THSD7B: variants seen among roughly 807,000 people sequenced by gnomAD.
The protein encoded by THSD7B is thrombospondin type-1 domain-containing protein 7B.
Under a neutral mutation model 213.6 loss-of-function variants are expected in THSD7B, and 138 were observed. That is an observed-to-expected ratio of 0.65 (90% CI 0.56 to 0.74). THSD7B has a LOEUF of 0.74. Among genes scored for constraint, THSD7B ranks in the 30% least tolerant of loss-of-function variants. The probability of loss-of-function intolerance (pLI) is 0.00; values close to 1 mark genes in which losing one functional copy is unlikely to be tolerated. For missense variants in THSD7B, 1,931 were observed against 1,991.5 expected, an observed-to-expected ratio of 0.97 and a Z score of 0.58; for synonymous variants, 742 against 687.0, an observed-to-expected ratio of 1.08 and a Z score of -1.25.
chr2:136,792,767 A>G (rs1681991696), intron 1 of THSD7B, among the ~76,000 whole-genome samples: 1 of 152,020 alleles, frequency 6.6e-6, no homozygotes, highest in African/African-American at 2.4e-5. Context: ...ATAACCATTG[A>G]TCTTTTTCCT....
chr2:137,255,515 A>T (rs912449131), intron 10 of THSD7B, among the ~76,000 whole-genome samples: 1 of 152,174 alleles, frequency 6.6e-6, no homozygotes, highest in Non-Finnish European at 1.5e-5. Context: ...CATCATTAAG[A>T]GGACTCCACC....
At chr2:137,123,323 G>A (rs7599664) in intron 5 of THSD7B, among the ~76,000 whole-genome samples, 2,996 of 152,190 alleles carry the variant, frequency 0.02, 106 homozygotes, top group African/African-American at 0.067. Flanking sequence ...TGACCAATGA[G>A]AAACAAGATT....
intron 2 of THSD7B, among the ~76,000 whole-genome samples, chr2:136,928,271 T>G (rs764904732): frequency 3.3e-5 from 5 of 152,342 alleles, no homozygotes; most frequent in Admixed American, 6.5e-5. Flanking sequence ...TATAATTCAC[T>G]GAACGCTGTA....
intron 7 of THSD7B, among the ~76,000 whole-genome samples, chr2:137,179,644 T>C (rs922718606): frequency 3.3e-5 from 5 of 152,256 alleles, no homozygotes; most frequent in South Asian, 2.1e-4. Context: ...CTTAATCTTA[T>C]AATCAAATAT....
chr2:137,676,996 T>C lies in THSD7B; in HGVS notation c.*391T>C. 6.0e-6 allele frequency: 1 copy of C among 167,402 alleles called. No individual in the cohort carries two copies. The allele number at this position is 167,402 out of a possible 1,614,324, so 10.4% of individuals were successfully genotyped here. On this transcript the variant is annotated 3_prime_UTR_variant, in exon 28 of 28. Coordinates refer to ENST00000409968, the MANE Select transcript of THSD7B (RefSeq NM_001316349.2). ...TTACTCTAAATGACGAGTCTGACAC[T>C]GCATTGTTACGCACTATATTAGTGC...
chr2:137,466,253 A>G (rs569502100), intron 15 of THSD7B, among the ~76,000 whole-genome samples: 2 of 152,236 alleles, frequency 1.3e-5, no homozygotes, highest in African/African-American at 2.4e-5. Flanking sequence ...TACTTGTGCT[A>G]TTATTCATTC....
chr2:137,339,156 T>A (rs1359022159), intron 12 of THSD7B, among the ~76,000 whole-genome samples: 1 of 152,072 alleles, frequency 6.6e-6, no homozygotes, highest in African/African-American at 2.4e-5. Flanking sequence ...CCTGATAATG[T>A]TCTTCTGAGA....
intron 9 of THSD7B, among the ~76,000 whole-genome samples, chr2:137,238,779 T>G (rs893039512): frequency 1.3e-5 from 2 of 150,946 alleles, no homozygotes; most frequent in Non-Finnish European, 1.5e-5. Context: ...GGTCTCGATC[T>G]CCTGACCTCA....
chr2:136,990,282 T>C (rs1320761239), intron 2 of THSD7B, among the ~76,000 whole-genome samples: 5 of 152,222 alleles, frequency 3.3e-5, no homozygotes, highest in Non-Finnish European at 7.3e-5. Flanking sequence ...TTGTCTTCAG[T>C]AATGTGAGGG....
intron 10 of THSD7B, among the ~76,000 whole-genome samples, chr2:137,262,713 G>C (rs75233958): frequency 2.0e-3 from 300 of 152,172 alleles, no homozygotes; most frequent in African/African-American, 6.9e-3. Context: ...TCTTTTTCCT[G>C]TTTTACTTAT....
intron 2 of THSD7B, among the ~76,000 whole-genome samples, chr2:136,956,241 A>G (rs1685121918): frequency 1.3e-5 from 2 of 152,112 alleles, no homozygotes; most frequent in African/African-American, 4.8e-5. Context: ...AAAATGACTG[A>G]TTTTTAACTA....
intron 26 of THSD7B, among the ~76,000 whole-genome samples, chr2:137,666,963 G>C (rs1473648763): frequency 1.3e-5 from 2 of 152,008 alleles, no homozygotes; most frequent in African/African-American, 4.8e-5. Flanking sequence ...ACAGTAATTT[G>C]GTGAATTGAT....
intron 21 of THSD7B, among the ~76,000 whole-genome samples, chr2:137,651,429 G>A (rs138689930): frequency 6.6e-4 from 100 of 151,422 alleles, no homozygotes; most frequent in African/African-American, 2.3e-3. Context: ...TCTCCTTTTG[G>A]GGTTCTGATA....
intron 1 of THSD7B, among the ~76,000 whole-genome samples, chr2:136,858,327 C>T (rs762689736): frequency 3.9e-5 from 6 of 152,112 alleles, no homozygotes; most frequent in Non-Finnish European, 5.9e-5. Flanking sequence ...TAAAAATAAT[C>T]TATAGTTCTA....
chr2:137,489,572 C>T (rs2105119998), intron 15 of THSD7B, among the ~76,000 whole-genome samples: 1 of 152,208 alleles, frequency 6.6e-6, no homozygotes, highest in East Asian at 1.9e-4. Flanking sequence ...TTAAGAATTG[C>T]ATTCATTGAA....
intron 2 of THSD7B, among the ~76,000 whole-genome samples, chr2:136,890,454 CTTCTTCTCCT>C (rs1683817864): frequency 8.7e-4 from 1 of 1,148 alleles, no homozygotes; most frequent in African/African-American, 9.8e-4. Flanking sequence ...TCTTCTTCTT[CTTCTTCTCCT>C]TTCTTCTCCT....
At chr2:137,113,597 C>T (rs374894665) in intron 4 of THSD7B, among the ~76,000 whole-genome samples, 5 of 152,134 alleles carry the variant, frequency 3.3e-5, no homozygotes, top group South Asian at 2.1e-4. Context: ...CCACCACATC[C>T]GGCTAATTTG....
chr2:136,935,910 TA>T (rs1684717586), intron 2 of THSD7B, among the ~76,000 whole-genome samples: 1 of 148,164 alleles, frequency 6.7e-6, no homozygotes, highest in Non-Finnish European at 1.5e-5. Flanking sequence ...TTATAATATG[TA>T]ATATATAATC....
intron 5 of THSD7B, among the ~76,000 whole-genome samples, chr2:137,131,428 G>T (rs1454255324): frequency 6.6e-6 from 1 of 152,028 alleles, no homozygotes; most frequent in Non-Finnish European, 1.5e-5. Context: ...CATTGCTTTT[G>T]GTGTTTTAGA....
Sources: gnomAD v4.1 joint callset for allele counts (sites outside exome capture counted in the v4.1 genomes callset) on GRCh38, gnomAD v4.1.1 for gene constraint, MANE v1.5 for transcripts, NCBI Gene and HGNC (gene_info 2026-07-23, HGNC 2026-07-21) for gene names.